PCDHGB1: variants seen among roughly 807,000 people sequenced by gnomAD.
The protein encoded by PCDHGB1 is protocadherin gamma-B1.
PCDHGB1 carries 34 observed loss-of-function variants against 56.6 expected under a neutral mutation model. The observed-to-expected ratio is 0.60, with a 90% confidence interval of 0.46 to 0.80. The LOEUF (loss-of-function observed/expected upper bound fraction) is 0.80. Among genes scored for constraint, PCDHGB1 ranks in the 30% least tolerant of loss-of-function variants. PCDHGB1 has a pLI of 0.00. For missense variants in PCDHGB1, 1,278 were observed against 1,204.6 expected (o/e 1.06, Z -0.90); for synonymous variants, 561 against 505.9 (o/e 1.11, Z -1.46).
chr5:141,452,525 G>A (rs1227647193), intron 1 of PCDHGB1, among the ~76,000 whole-genome samples: 3 of 152,126 alleles, frequency 2.0e-5, no homozygotes, highest in Admixed American at 6.5e-5. Flanking sequence ...CCTCAAAATC[G>A]TGAGTTCATA....
chr5:141,468,681 A>G (rs1415798588), intron 1 of PCDHGB1: 1 of 151,830 alleles, frequency 6.6e-6, no homozygotes, highest in African/African-American at 2.4e-5. Flanking sequence ...CCTGGCTAAC[A>G]CGGTGAAACC....
intron 1 of PCDHGB1, among the ~76,000 whole-genome samples, chr5:141,443,726 TAC>T: frequency 6.6e-6 from 1 of 152,262 alleles, no homozygotes; most frequent in Admixed American, 6.5e-5. Flanking sequence ...AAATTCCTCA[TAC>T]ATTTCCCTAT....
At chr5:141,395,032 T>C (rs1561652708) in intron 1 of PCDHGB1, 1 of 1,614,068 alleles carries the variant, frequency 6.2e-7, no homozygotes. Context: ...GCCTCACATT[T>C]TGTGGGTGTT....
rs546494803 is a variant in PCDHGB1 at position 141,425,207 on chromosome 5, G to C, written c.2410-69600G>C. Among the ~76,000 whole-genome samples, 7 of 152,120 alleles carry C rather than the reference G, an allele frequency of 4.6e-5. No homozygotes were observed. In the East Asian group the frequency reaches 1.2e-3, roughly 25 times the overall value. ...TCCAAACTGAGAAAAATGATGTAAG[G>C]CATTGTACTTTGACTGGAATTAGTT... On this transcript the variant is annotated intron_variant, in intron 1 of 3. Transcript: ENST00000523390.
chr5:141,372,816 T>C lies in PCDHGB1; in HGVS notation c.2409+20147T>C, dbSNP rs1480093678. The C allele has an allele frequency of 3.2e-6, 5 of 1,580,556 alleles. No homozygotes were observed. In the Admixed American group the frequency reaches 9.1e-5, roughly 29 times the overall value. On this transcript the variant is annotated intron_variant, in intron 1 of 3. Transcript: ENST00000523390. ...TTCAGGCAATTTGCAAAAGGTGAGTTTCTTCAAACCTTTCCTTCCATAAAT... is the reference window on the plus strand; with the variant it reads ...TTCAGGCAATTTGCAAAAGGTGAGTCTCTTCAAACCTTTCCTTCCATAAAT...
chr5:141,477,504 A>T lies in PCDHGB1; in HGVS notation c.2410-17303A>T, dbSNP rs1396003792. Reference sequence around the variant, plus strand: ...CCACAATCTTCTCAATCTTCCTACGACGTTTACATTGAAGAAAACAACCTC... The same window carrying T: ...CCACAATCTTCTCAATCTTCCTACGTCGTTTACATTGAAGAAAACAACCTC... On this transcript the variant is annotated intron_variant, in intron 1 of 3. Coordinates refer to ENST00000523390, the MANE Select transcript of PCDHGB1 (RefSeq NM_018922.3). This position sits in a 1 kb window ranked among gnomAD's most constrained non-coding sequence, Gnocchi z 4.9. The T allele has an allele frequency of 4.3e-6, 7 of 1,613,982 alleles. No homozygotes were observed. In the Admixed American group the frequency reaches 8.3e-5, roughly 19 times the overall value.
chr5:141,486,168 A>C lies in PCDHGB1; in HGVS notation c.2410-8639A>C, dbSNP rs774913463. 6.2e-7 allele frequency: 1 copy of C among 1,614,196 alleles called. No homozygotes were observed. Among genetic ancestry groups the C allele is most frequent in the South Asian group, 1.1e-5 (1 of 91,084 alleles). On this transcript the variant is annotated intron_variant, in intron 1 of 3. Transcript: ENST00000523390. The surrounding 1 kb of genome is among the most constrained non-coding windows in gnomAD (Gnocchi z 5.0). ...GATGGGGGTTCTCCAGCCATGGAGC[A>C]ACATTGCAGCCTTCGAGTGGATCTG...
chr5:141,505,558 C>A (rs945428797), intron 3 of PCDHGB1, 77 bp downstream of exon 3: 1 of 1,605,016 alleles, frequency 6.2e-7, no homozygotes, highest in African/African-American at 1.3e-5. Context: ...ACCATGCCCA[C>A]GGACTGGATG....
Position 141,431,858 on chromosome 5 carries a change from G to A in PCDHGB1, c.2410-62949G>A, listed in dbSNP as rs1421209596. The A allele has an allele frequency of 1.1e-5, 17 of 1,614,198 alleles. No individual in the cohort carries two copies. Among genetic ancestry groups the A allele is most frequent in the Non-Finnish European group, 1.4e-5 (17 of 1,180,020 alleles). On this transcript the variant is annotated intron_variant, in intron 1 of 3. Coordinates refer to ENST00000523390, the MANE Select transcript of PCDHGB1 (RefSeq NM_018922.3). The surrounding 1 kb of genome is among the most constrained non-coding windows in gnomAD (Gnocchi z 4.8). ...AAACTCTCCCAGAGGGACATTAATTGCCCTTTTAAATGTAAATGACCAAGA... is the reference window on the plus strand; with the variant it reads ...AAACTCTCCCAGAGGGACATTAATTACCCTTTTAAATGTAAATGACCAAGA...
intron 1 of PCDHGB1, chr5:141,412,074 A>G (rs751287485): frequency 2.0e-5 from 3 of 152,184 alleles, no homozygotes; most frequent in Non-Finnish European, 4.4e-5. Context: ...TGAGGGAACA[A>G]TTGCTACTGG....
At chr5:141,365,319 G>C (rs745669256) in intron 1 of PCDHGB1, 34 of 1,613,864 alleles carry the variant, frequency 2.1e-5, no homozygotes, top group Non-Finnish European at 2.9e-5. Flanking sequence ...CTTGTTGCCA[G>C]CGCTAAGGTG....
At chr5:141,407,956 A>G (rs2095008608) in intron 1 of PCDHGB1, 1 of 645,868 alleles carries the variant, frequency 1.5e-6, no homozygotes, top group African/African-American at 1.8e-5. Flanking sequence ...CGGCCAGTGC[A>G]GAGCAAGCGC....
intron 1 of PCDHGB1, among the ~76,000 whole-genome samples, chr5:141,386,699 G>A (rs2150319335): frequency 6.6e-6 from 1 of 152,226 alleles, no homozygotes; most frequent in Non-Finnish European, 1.5e-5. Context: ...TGGGGTAGAA[G>A]ACAATGTTGC....
intron 1 of PCDHGB1, among the ~76,000 whole-genome samples, chr5:141,460,763 T>A (rs904048213): frequency 4.6e-5 from 7 of 152,170 alleles, no homozygotes; most frequent in Admixed American, 1.3e-4. Context: ...ATATACATAT[T>A]GCATATGTAT....
intron 1 of PCDHGB1, among the ~76,000 whole-genome samples, chr5:141,444,733 G>A (rs1464370133): frequency 6.6e-6 from 1 of 152,106 alleles, no homozygotes; most frequent in Non-Finnish European, 1.5e-5. Flanking sequence ...TTTGTTGAAA[G>A]TCATTTCACT....
intron 1 of PCDHGB1, among the ~76,000 whole-genome samples, chr5:141,438,497 T>C (rs1274742357): frequency 6.7e-6 from 1 of 149,116 alleles, no homozygotes; most frequent in African/African-American, 2.5e-5. Flanking sequence ...GAAAAAAGAA[T>C]CATAGTGCAA....
At chr5:141,445,312 T>C (rs1419229431) in intron 1 of PCDHGB1, among the ~76,000 whole-genome samples, 2 of 152,194 alleles carry the variant, frequency 1.3e-5, no homozygotes, top group African/African-American at 4.8e-5. Context: ...AGTTTGTAGG[T>C]TGAGAGAACC....
At chr5:141,426,174 G>A (rs1213063298) in intron 1 of PCDHGB1, 1 of 155,354 alleles carries the variant, frequency 6.4e-6, no homozygotes, top group Non-Finnish European at 1.4e-5. Flanking sequence ...ACGGATTGGG[G>A]TGCCCTCAAA....
chr5:141,372,379 T>A, intron 1 of PCDHGB1: 1 of 1,614,006 alleles, frequency 6.2e-7, no homozygotes, highest in Non-Finnish European at 8.5e-7. Context: ...ATGCTGCACC[T>A]AATCTTCGCA....
Sources: gnomAD v4.1 joint callset for allele counts (sites outside exome capture counted in the v4.1 genomes callset) on GRCh38, gnomAD v4.1.1 for gene constraint, Gnocchi (gnomAD v3.1) non-coding constraint, MANE v1.5 for transcripts, NCBI Gene and HGNC (gene_info 2026-07-23, HGNC 2026-07-21) for gene names.